Variants in FRMD8 observed in about 807,000 individuals in gnomAD.
The protein encoded by FRMD8 is FERM domain-containing protein 8.
Under a neutral mutation model 54.2 loss-of-function variants are expected in FRMD8, and 37 were observed. The ratio of observed to expected loss-of-function variants is 0.68; its 90% CI spans 0.53 to 0.90. The LOEUF (loss-of-function observed/expected upper bound fraction) is 0.90. Among genes scored for constraint, FRMD8 ranks in the 40% least tolerant of loss-of-function variants. FRMD8 has a pLI of 0.00. For missense variants in FRMD8, 585 were observed against 653.7 expected (o/e 0.89, Z 1.15); for synonymous variants, 246 against 286.9 (o/e 0.86, Z 1.44).
At chr11:65,384,751 C>T (rs1225937522), upstream of FRMD8, among the ~76,000 whole-genome samples, 1 of 152,180 alleles carries the variant, frequency 6.6e-6, no homozygotes, top group Non-Finnish European at 1.5e-5. Flanking sequence ...GTTGTCCAGG[C>T]TGGAATACAG....
chr11:65,393,488 G>T (rs1014784756), intron 3 of FRMD8, 85 bp from the exon 4 acceptor site: 1 of 997,584 alleles, frequency 1.0e-6, no homozygotes, highest in East Asian at 2.4e-5. Flanking sequence ...TGCGACTGTC[G>T]TCATGCTGTG....
the FRMD8 span, chr11:65,380,607 A>G: frequency 1.5e-6 from 2 of 1,293,396 alleles, no homozygotes; most frequent in Non-Finnish European, 2.0e-6. Context: ...CCCTGCTGCC[A>G]GCTGGCCACG....
chr11:65,409,922 T>TA (rs1169345601), intron 10 of FRMD8, among the ~76,000 whole-genome samples: 3 of 151,106 alleles, frequency 2.0e-5, no homozygotes, highest in Non-Finnish European at 4.4e-5. Flanking sequence ...CTACACAAAC[T>TA]AAAAAAACCT....
chr11:65,401,257 C>T (rs962218076), intron 9 of FRMD8, among the ~76,000 whole-genome samples: 2 of 151,848 alleles, frequency 1.3e-5, no homozygotes, highest in African/African-American at 4.8e-5. Flanking sequence ...GTTTGATTTT[C>T]CCCTTCATTC....
rs372381657 is a variant in FRMD8 at position 65,404,828 on chromosome 11, C to A, written c.1072-36C>A. 578 of 1,560,558 alleles carry A rather than the reference C, an allele frequency of 3.7e-4. 3 individuals carry two copies. The highest frequency in any genetic ancestry group is 2.4e-4 in the Admixed American group (14 of 59,132). ...GCTCAGCAACAGGCATGGAAGGGGGCCCTGGCCAGGCCTCACACTGCCCCC... is the reference window on the plus strand; with the variant it reads ...GCTCAGCAACAGGCATGGAAGGGGGACCTGGCCAGGCCTCACACTGCCCCC... On this transcript the variant is annotated intron_variant, in intron 9 of 10. Coordinates refer to ENST00000317568, the MANE Select transcript of FRMD8 (RefSeq NM_031904.5). This position sits in a 1 kb window ranked among gnomAD's most constrained non-coding sequence, Gnocchi z 4.7.
chr11:65,405,999 C>CTA (rs748197030), intron 10 of FRMD8, among the ~76,000 whole-genome samples: 38 of 151,188 alleles, frequency 2.5e-4, no homozygotes, highest in Non-Finnish European at 4.9e-4. Context: ...CGATGAGACC[C>CTA]TATATATATA....
the FRMD8 span, among the ~76,000 whole-genome samples, chr11:65,371,521 G>C: frequency 6.6e-6 from 1 of 152,230 alleles, no homozygotes; most frequent in African/African-American, 2.4e-5. Flanking sequence ...GTCGAAAAGA[G>C]TTCTCAAAAA....
At chr11:65,378,450 C>T in the FRMD8 span, 1 of 152,240 alleles carries the variant, frequency 6.6e-6, no homozygotes, top group African/African-American at 2.4e-5. Flanking sequence ...GGCAGGGTGA[C>T]TTAGAAGCCG....
chr11:65,378,346 ACT>A, the FRMD8 span: 3 of 152,006 alleles, frequency 2.0e-5, no homozygotes, highest in Non-Finnish European at 2.9e-5. Context: ...TTCCTTTAAG[ACT>A]CTGTTAAACT....
chr11:65,401,824 CTTTT>C (rs61275056), intron 9 of FRMD8, among the ~76,000 whole-genome samples: 3 of 119,758 alleles, frequency 2.5e-5, no homozygotes, highest in East Asian at 2.3e-4. Flanking sequence ...TCACAATTTT[CTTTT>C]TTTTTTTTTT....
chr11:65,377,034 G>C, the FRMD8 span: 30 of 1,613,920 alleles, frequency 1.9e-5, no homozygotes, highest in Non-Finnish European at 2.4e-5. Context: ...GTCTGGTTTT[G>C]TAGCCGGACT....
upstream of FRMD8, chr11:65,382,181 C>A (rs921970434): frequency 3.5e-6 from 2 of 574,104 alleles, no homozygotes; most frequent in Non-Finnish European, 6.3e-6. This position sits in a 1 kb window ranked among gnomAD's most constrained non-coding sequence, Gnocchi z 4.4. Context: ...ACGGGCCAGG[C>A]GTGCCGGGAC....
chr11:65,371,661 C>G, the FRMD8 span, among the ~76,000 whole-genome samples: 150 of 152,354 alleles, frequency 9.8e-4, 2 homozygotes, highest in African/African-American at 3.5e-3. Context: ...GTCATCCAGC[C>G]TGGAGTGCAA....
At chr11:65,411,167 C>G in intron 10 of FRMD8, 75 bp from the exon 11 acceptor site, 2 of 1,263,502 alleles carry the variant, frequency 1.6e-6, no homozygotes, top group South Asian at 1.5e-5. Context: ...GGAGCCAGAA[C>G]CTGGCTTCCT....
the FRMD8 span, among the ~76,000 whole-genome samples, chr11:65,370,296 G>A: frequency 6.6e-6 from 1 of 151,496 alleles, no homozygotes; most frequent in African/African-American, 2.4e-5. Flanking sequence ...CCAAGAGAAG[G>A]TGCACGCCTG....
the FRMD8 span, among the ~76,000 whole-genome samples, chr11:65,374,771 G>A: frequency 3.9e-5 from 6 of 152,046 alleles, no homozygotes; most frequent in African/African-American, 1.2e-4. Flanking sequence ...AGTTCAAGAC[G>A]GCCTGGGCAA....
Position 65,412,423 on chromosome 11 carries a change from A to G in FRMD8, c.*1063A>G, listed in dbSNP as rs1856355165. The G allele has an allele frequency of 6.6e-6, 1 of 152,284 alleles. No homozygotes were observed. The highest frequency in any genetic ancestry group is 2.4e-5 in the African/African-American group (1 of 41,460). 9.4% of individuals were successfully genotyped at this position (152,284 alleles called of 1,614,324 possible). A position where few individuals can be genotyped will look rare whatever the true frequency, so the allele number is the denominator to read the frequency against. The stretch of plus-strand genomic sequence containing the variant: ...GCATGCCCAGGAAAGCCTGGGCCAC[A>G]CGGGACACTCTCTTCTTTATCGAGG... On this transcript the variant is annotated 3_prime_UTR_variant, in exon 11 of 11. Coordinates refer to ENST00000317568, the MANE Select transcript of FRMD8 (RefSeq NM_031904.5).
chr11:65,377,368 T>C, the FRMD8 span: 15 of 1,264,542 alleles, frequency 1.2e-5, no homozygotes, highest in South Asian at 3.0e-4. Flanking sequence ...AAGCCTGGAT[T>C]CTTTTTGCAG....
intron 10 of FRMD8, among the ~76,000 whole-genome samples, chr11:65,410,204 A>ATTTTT (rs1326168856): frequency 3.3e-5 from 5 of 152,180 alleles, no homozygotes; most frequent in Non-Finnish European, 2.9e-5. Flanking sequence ...CTCTACCAAA[A>ATTTTT]ATACAAAAAT....
Sources: gnomAD v4.1 joint callset for allele counts (sites outside exome capture counted in the v4.1 genomes callset) on GRCh38, gnomAD v4.1.1 for gene constraint, Gnocchi (gnomAD v3.1) non-coding constraint, MANE v1.5 for transcripts, NCBI Gene and HGNC (gene_info 2026-07-23, HGNC 2026-07-21) for gene names.